Variants in NAALADL2 observed in about 807,000 individuals in gnomAD.
NAALADL2 encodes the protein inactive N-acetylated-alpha-linked acidic dipeptidase-like protein 2.
In NAALADL2, 76 loss-of-function variants were observed where a neutral mutation model predicts 87.2. The ratio of observed to expected loss-of-function variants is 0.87; its 90% confidence interval spans 0.72 to 1.05. The LOEUF is 1.05. NAALADL2 is among the 50% of genes least tolerant of loss of function. NAALADL2 has a pLI of 0.00. For missense variants in NAALADL2, 1,089 were observed against 945.8 expected (o/e 1.15, Z -1.99); for synonymous variants, 354 against 331.0 (o/e 1.07, Z -0.75).
In NAALADL2 at chr3:174,813,175, G is replaced by C. The variant is rs192347130; in HGVS notation, c.-9+75429G>C. ...AGGTGTACTGTTCTCTTCTTTTCCA[G>C]TGGTATTCAATCTTTTGGCTTCCCT... On this transcript the variant is annotated intron_variant, in intron 3 of 3. Coordinates refer to the NAALADL2 transcript ENST00000434257. Among the ~76,000 whole-genome samples, 973 of 152,092 alleles carry C rather than the reference G, an allele frequency of 6.4e-3. 9 individuals carry two copies. The highest frequency in any genetic ancestry group is 0.024 in the Middle Eastern group (7 of 294).
chr3:174,552,375 T>C (rs914096661), intron 2 of NAALADL2, among the ~76,000 whole-genome samples: 14 of 152,202 alleles, frequency 9.2e-5, no homozygotes, highest in Admixed American at 7.2e-4. Flanking sequence ...ACAAGAAATA[T>C]CAGTTTTTCA....
At chr3:174,688,857 T>A (rs1159138903) in intron 2 of NAALADL2, among the ~76,000 whole-genome samples, 1 of 152,162 alleles carries the variant, frequency 6.6e-6, no homozygotes. Flanking sequence ...TCTTAAACTA[T>A]AAATGGTTAC....
At chr3:174,627,639 G>C (rs892293645) in intron 2 of NAALADL2, among the ~76,000 whole-genome samples, 1 of 152,180 alleles carries the variant, frequency 6.6e-6, no homozygotes, top group Non-Finnish European at 1.5e-5. Flanking sequence ...ACCTGCACGT[G>C]TATGTTTTTT....
rs2149666419 is a variant in NAALADL2, at chr3:175,608,883, A to G, written c.1801-18408A>G. On this transcript the variant is annotated intron_variant, in intron 10 of 13. Coordinates refer to ENST00000454872, the MANE Select transcript of NAALADL2 (RefSeq NM_207015.3). ...CCTTTTATTTATATAATTGACTTTT[A>G]TTATTTGTAAAATATTTACCAAACA... Among the ~76,000 whole-genome samples the G allele has an allele frequency of 1.3e-5, 2 of 152,152 alleles. 1 individual carries two copies. Among genetic ancestry groups the G allele is most frequent in the South Asian group, 4.2e-4 (2 of 4,818 alleles).
chr3:174,675,066 A>T (rs1578507329), intron 2 of NAALADL2, among the ~76,000 whole-genome samples: 1 of 152,040 alleles, frequency 6.6e-6, no homozygotes, highest in Non-Finnish European at 1.5e-5. Context: ...TCTTGTTTTA[A>T]TGGTTTCTGC....
At position 175,233,913 on chromosome 3, in the gene NAALADL2, T is replaced by C; in HGVS notation, c.546-18T>C. 6.8e-7 allele frequency: 1 copy of C among 1,479,952 alleles called. No homozygotes were observed. Among genetic ancestry groups the C allele is most frequent in the Non-Finnish European group, 9.3e-7 (1 of 1,076,844 alleles). The allele number at this position is 1,479,952 out of a possible 1,614,324, so 91.7% of individuals were successfully genotyped here. ...TATTCTCCTTTTTAAAAAAGTTTTCTTTTCAAATTTATTTCAGAAATTTGG... is the reference window on the plus strand; with the variant it reads ...TATTCTCCTTTTTAAAAAAGTTTTCCTTTCAAATTTATTTCAGAAATTTGG... On this transcript the variant is annotated intron_variant, in intron 2 of 13. Coordinates refer to ENST00000454872, the MANE Select transcript of NAALADL2 (RefSeq NM_207015.3).
At chr3:174,785,246 T>C (rs1716503267) in intron 3 of NAALADL2, among the ~76,000 whole-genome samples, 1 of 152,178 alleles carries the variant, frequency 6.6e-6, no homozygotes, top group Non-Finnish European at 1.5e-5. Context: ...TGCTAATTTT[T>C]ATTTAAGTTG....
At chr3:175,454,090 T>C (rs1721974907) in intron 6 of NAALADL2, among the ~76,000 whole-genome samples, 1 of 152,058 alleles carries the variant, frequency 6.6e-6, no homozygotes, top group Non-Finnish European at 1.5e-5. Flanking sequence ...CCTTTATATA[T>C]GTCTCATTAA....
At chr3:175,398,491 A>T (rs1168511656) in intron 5 of NAALADL2, among the ~76,000 whole-genome samples, 1 of 151,472 alleles carries the variant, frequency 6.6e-6, no homozygotes, top group Non-Finnish European at 1.5e-5. Flanking sequence ...AAACTCTGTT[A>T]TGTGCTTTAG....
intron 1 of NAALADL2, among the ~76,000 whole-genome samples, chr3:174,472,187 A>G (rs1716946427): frequency 6.6e-6 from 1 of 152,240 alleles, no homozygotes; most frequent in South Asian, 2.1e-4. Flanking sequence ...TGTAAGACAG[A>G]CATGTACACT....
chr3:175,025,396 A>G (rs1446349841), intron 1 of NAALADL2, among the ~76,000 whole-genome samples: 80 of 152,272 alleles, frequency 5.3e-4, no homozygotes, highest in Admixed American at 5.2e-3. Flanking sequence ...CAATTCCTTT[A>G]TCTACCATTT....
intron 1 of NAALADL2, among the ~76,000 whole-genome samples, chr3:175,089,695 T>A (rs551544445): frequency 6.6e-6 from 1 of 152,264 alleles, no homozygotes; most frequent in African/African-American, 2.4e-5. Context: ...AATAGATTTC[T>A]CTGACTAGAT....
At chr3:175,266,264 A>G (rs112586641) in intron 4 of NAALADL2, among the ~76,000 whole-genome samples, 9,893 of 151,304 alleles carry the variant, frequency 0.065, 1,076 homozygotes, top group African/African-American at 0.23. Flanking sequence ...AATTATTTAA[A>G]TATTTTAATC....
intron 2 of NAALADL2, among the ~76,000 whole-genome samples, chr3:174,719,916 C>G (rs1731549885): frequency 6.6e-6 from 1 of 152,170 alleles, no homozygotes; most frequent in African/African-American, 2.4e-5. Context: ...ATTCTCCTGC[C>G]TCAGCCTCCT....
chr3:174,967,733 T>C (rs142936452), intron 1 of NAALADL2, among the ~76,000 whole-genome samples: 1,865 of 152,292 alleles, frequency 0.012, 21 homozygotes, highest in South Asian at 0.017. Flanking sequence ...CTAGCACTAA[T>C]TGAACAATCA....
rs139913793 is a variant in NAALADL2, at chr3:175,406,621, A to C, written c.1091-40608A>C. Among the ~76,000 whole-genome samples the C allele has an allele frequency of 9.5e-3, 1,450 of 152,262 alleles. 67 individuals carry two copies. Among genetic ancestry groups the C allele is most frequent in the Admixed American group, 0.065 (988 of 15,288 alleles). On this transcript the variant is annotated intron_variant, in intron 5 of 13. Transcript: ENST00000454872. ...TTGAAAATGATATGGTTACATAAAG[A>C]CATAATAGTGGTTACATAATACTAC...
intron 11 of NAALADL2, among the ~76,000 whole-genome samples, chr3:175,708,179 TAAG>T (rs1389125456): frequency 1.3e-5 from 2 of 152,012 alleles, no homozygotes; most frequent in Non-Finnish European, 2.9e-5. Flanking sequence ...GCTAGAGAAG[TAAG>T]AAGCCATATA....
At chr3:175,194,190 G>C (rs1169615946) in intron 2 of NAALADL2, among the ~76,000 whole-genome samples, 1 of 151,826 alleles carries the variant, frequency 6.6e-6, no homozygotes, top group African/African-American at 2.4e-5. Context: ...TTCAAACTAA[G>C]ACTTTTAATT....
intron 2 of NAALADL2, among the ~76,000 whole-genome samples, chr3:174,603,326 G>C (rs898756331): frequency 6.6e-6 from 1 of 151,890 alleles, no homozygotes; most frequent in East Asian, 1.9e-4. Context: ...TTTCTTCATG[G>C]TTTCATCTTG....
Sources: gnomAD v4.1 joint callset for allele counts (sites outside exome capture counted in the v4.1 genomes callset) on GRCh38, gnomAD v4.1.1 for gene constraint, MANE v1.5 for transcripts, NCBI Gene and HGNC (gene_info 2026-07-23, HGNC 2026-07-21) for gene names.